The following LAMA1 variants were observed in gnomAD, a reference collection of about 807,000 sequenced individuals.
The protein encoded by LAMA1 is laminin subunit alpha 1.
Under a neutral mutation model 348.7 loss-of-function variants are expected in LAMA1, and 219 were observed. That is an observed-to-expected ratio of 0.63 (90% CI 0.56 to 0.70). The LOEUF (loss-of-function observed/expected upper bound fraction) is 0.70. Ranked by LOEUF, LAMA1 falls within the 30% of genes least tolerant of loss-of-function variation. The pLI, the probability that LAMA1 is intolerant of heterozygous loss-of-function variation, is 0.00. For missense variants in LAMA1, 3,744 were observed against 3,888.0 expected, an observed-to-expected ratio of 0.96 and a Z score of 0.99; for synonymous variants, 1,487 against 1,491.0, an observed-to-expected ratio of 1.00 and a Z score of 0.06.
intron 14 of LAMA1, among the ~76,000 whole-genome samples, chr18:7,033,890 A>G (rs2057982619): frequency 1.3e-5 from 2 of 152,044 alleles, no homozygotes; most frequent in African/African-American, 2.4e-5. Context: ...ATGCGCCACC[A>G]TGCCTGGCTA....
chr18:7,087,069 T>G (rs1163702887), intron 1 of LAMA1, among the ~76,000 whole-genome samples: 1 of 152,192 alleles, frequency 6.6e-6, no homozygotes, highest in Non-Finnish European at 1.5e-5. Flanking sequence ...TATTCTTTGC[T>G]TCTTTGTGCG....
At chr18:7,079,085 T>C (rs2058182629) in intron 3 of LAMA1, among the ~76,000 whole-genome samples, 1 of 152,164 alleles carries the variant, frequency 6.6e-6, no homozygotes, top group Non-Finnish European at 1.5e-5. Context: ...ATCTCTATAA[T>C]TCCTATTTAA....
intron 3 of LAMA1, among the ~76,000 whole-genome samples, chr18:7,061,757 G>A (rs577333913): frequency 6.6e-6 from 1 of 152,336 alleles, no homozygotes; most frequent in South Asian, 2.1e-4. Context: ...TGGAGGATAT[G>A]ATGTAGATGG....
At chr18:7,074,967 C>CAAAAAAAAAAAAA (rs773818069) in intron 3 of LAMA1, among the ~76,000 whole-genome samples, 5 of 52,268 alleles carry the variant, frequency 9.6e-5, no homozygotes, top group Non-Finnish European at 1.3e-4. Context: ...TACATAGAGG[C>CAAAAAAAAAAAAA]AAAAAAAAAA....
rs769109690 is a variant in LAMA1 at position 7,011,360 on chromosome 18, C to T, written c.3627G>A (p.Arg1209=). 6.8e-6 allele frequency: 11 copies of T among 1,612,126 alleles called. No individual in the cohort carries two copies. Among genetic ancestry groups the T allele is most frequent in the African/African-American group, 1.3e-5 (1 of 74,910 alleles). The change falls in exon 25 of 63, where the codon CGG becomes CGA. Residue 1209 remains arginine (R), a synonymous_variant. Transcript: ENST00000389658. ...PDFLLDAATV[R]QHIRAEPFYW... ...AAAACGGCTCTGCACGGATGTGCTG[C>T]CGGACGGTGGCGGCATCCAGCAGGA...
At chr18:7,042,564 A>C in intron 8 of LAMA1, 1 of 345,552 alleles carries the variant, frequency 2.9e-6, no homozygotes, top group Non-Finnish European at 5.6e-6. Context: ...GACTCATGTA[A>C]GAACTACATA....
intron 57 of LAMA1, chr18:6,955,102 G>A (rs1306786432): frequency 1.9e-6 from 1 of 528,490 alleles, no homozygotes; most frequent in Non-Finnish European, 3.4e-6. Flanking sequence ...TTCCTTACAT[G>A]CACACAGAAA....
At chr18:6,978,685 C>T (rs2057694710) in intron 42 of LAMA1, among the ~76,000 whole-genome samples, 1 of 152,166 alleles carries the variant, frequency 6.6e-6, no homozygotes, top group Admixed American at 6.5e-5. Context: ...AATGAGATCA[C>T]AAAAGTAATG....
At chr18:6,957,267 G>A (rs929835245) in intron 55 of LAMA1, 9 of 178,354 alleles carry the variant, frequency 5.0e-5, no homozygotes, top group Admixed American at 4.9e-4. Context: ...CCCGGGCACA[G>A]CTGGGAACTC....
intron 1 of LAMA1, among the ~76,000 whole-genome samples, chr18:7,104,516 G>A (rs1247902946): frequency 1.3e-5 from 2 of 152,170 alleles, no homozygotes; most frequent in Non-Finnish European, 2.9e-5. Flanking sequence ...GTGGGCTGGA[G>A]TCCGTCAGAG....
rs142630078 is a variant in LAMA1 at position 7,088,498 on chromosome 18, T to A, written c.62-8041A>T. Among the ~76,000 whole-genome samples the A allele has an allele frequency of 3.0e-3, 457 of 152,174 alleles. 2 individuals carry two copies. The highest frequency in any genetic ancestry group is 0.01 in the African/African-American group (435 of 41,568). On this transcript the variant is annotated intron_variant, in intron 1 of 62. Coordinates refer to ENST00000389658, the MANE Select transcript of LAMA1 (RefSeq NM_005559.4). ...GCTTTCTTTCTAACTTTTTTTGTTT[T>A]AAAAAATTATTTATTATTATTATTA...
At chr18:6,978,063 T>C in intron 43 of LAMA1, 133 bp downstream of exon 43, 1 of 1,353,350 alleles carries the variant, frequency 7.4e-7, no homozygotes, top group South Asian at 1.2e-5. Flanking sequence ...CTTCTCTTAA[T>C]AAAGGCTAAT....
chr18:7,042,837 C>T, intron 8 of LAMA1: 1 of 213,098 alleles, frequency 4.7e-6, no homozygotes, highest in South Asian at 7.5e-5. Flanking sequence ...GAGCCGAGAT[C>T]GCACCACTGC....
chr18:7,083,617 C>G (rs1289895644), intron 1 of LAMA1, among the ~76,000 whole-genome samples: 1 of 152,112 alleles, frequency 6.6e-6, no homozygotes, highest in Non-Finnish European at 1.5e-5. Flanking sequence ...TTTGGGTTGT[C>G]TTTCACTAAA....
intron 57 of LAMA1, 114 bp from the exon 58 acceptor site, chr18:6,951,085 G>A: frequency 1.1e-6 from 1 of 901,908 alleles, no homozygotes; most frequent in Non-Finnish European, 1.8e-6. Context: ...TCTCAGGAGA[G>A]AGGGGTATTC....
intron 3 of LAMA1, among the ~76,000 whole-genome samples, chr18:7,069,196 C>T (rs1162058729): frequency 1.3e-5 from 2 of 152,140 alleles, no homozygotes; most frequent in African/African-American, 2.4e-5. Context: ...AATATGTAAG[C>T]GAGAAAGCTT....
intron 48 of LAMA1, among the ~76,000 whole-genome samples, chr18:6,970,144 T>C (rs2057651587): frequency 6.6e-6 from 1 of 152,134 alleles, no homozygotes; most frequent in Non-Finnish European, 1.5e-5. Flanking sequence ...AAGGAAAAAG[T>C]GGCGGATCAG....
rs763520945 is a variant in LAMA1, at chr18:6,948,548, G to C, written c.8565C>G (p.His2855Gln). Reference sequence around the variant, plus strand: ...CATCCCCAATGCAGGCAGGGATGCTGTGGGTGATCTAAGCCAAATGACATG... The same window carrying C: ...CATCCCCAATGCAGGCAGGGATGCTCTGGGTGATCTAAGCCAAATGACATG... ...YQARKIGNIT[H>Q]SIPACIGDVT... is the part of the protein sequence containing the mutation. Residue 2855 changes from histidine to glutamine, a missense_variant, in exon 60 of 63, where the codon CAC becomes CAG. Physicochemically the swap from His to Gln is conservative, Grantham distance 24. Around this residue, in one of 3 missense-constraint regions of LAMA1, gnomAD observed 1,983 missense variants for 1,934.3 expected, o/e 1.03. Transcript: ENST00000389658. 6.2e-7 allele frequency: 1 copy of C among 1,614,246 alleles called. No homozygotes were observed. Among genetic ancestry groups the C allele is most frequent in the South Asian group, 1.1e-5 (1 of 91,078 alleles).
Position 6,948,454 on chromosome 18 carries a change from C to G in LAMA1, c.8659G>C (p.Ala2887Pro). The G allele has an allele frequency of 1.2e-6, 2 of 1,614,170 alleles. No homozygotes were observed. Among genetic ancestry groups the G allele is most frequent in the South Asian group, 1.1e-5 (1 of 91,088 alleles). Residue 2887 changes from alanine (A) to proline (P), a missense_variant, in exon 60 of 63, where the codon GCA becomes CCA. Ala to Pro is a conservative substitution (Grantham distance 27, BLOSUM62 -1). Around this residue, in one of 3 missense-constraint regions of LAMA1, gnomAD observed 232 missense variants for 264.4 expected, o/e 0.88. Transcript: ENST00000389658. ...VSAFTVNRCY[A>P]VAQEGTYFDG... ...AAGTATGTTCCTTCCTGGGCCACTG[C>G]GTAGCACCTGTTCACCGTGAAGGCA...
Sources: allele counts gnomAD v4.1 joint callset (sites outside exome capture counted in the v4.1 genomes callset), GRCh38; gene constraint gnomAD v4.1.1; regional missense constraint gnomAD v4.1.1; transcripts MANE v1.5; gene names NCBI Gene and HGNC (gene_info 2026-07-23, HGNC 2026-07-21).